Variants in DOK5 observed in about 807,000 individuals in gnomAD.
DOK5 encodes docking protein 5.
A neutral mutation model predicts 43.3 loss-of-function variants in DOK5; 27 were observed. That is an observed-to-expected ratio of 0.62 (90% confidence interval 0.46 to 0.86). The LOEUF (loss-of-function observed/expected upper bound fraction) is 0.86. Ranked by LOEUF, DOK5 falls within the 40% of genes least tolerant of loss-of-function variation. The probability of loss-of-function intolerance (pLI) is 0.00; values close to 1 mark genes in which losing one functional copy is unlikely to be tolerated. For synonymous variants in DOK5, 146 were observed against 140.1 expected, an observed-to-expected ratio of 1.04 and a Z score of -0.30; for missense variants, 373 against 392.9, an observed-to-expected ratio of 0.95 and a Z score of 0.43.
At chr20:54,587,241 T>A (rs1985834744) in intron 2 of DOK5, among the ~76,000 whole-genome samples, 2 of 152,152 alleles carry the variant, frequency 1.3e-5, no homozygotes, top group African/African-American at 4.8e-5. Context: ...GGGCACTTTT[T>A]GAGGAGAAGT....
chr20:54,624,809 T>C (rs949948841), intron 6 of DOK5, among the ~76,000 whole-genome samples: 1 of 152,200 alleles, frequency 6.6e-6, no homozygotes, highest in African/African-American at 2.4e-5. Flanking sequence ...TTTGAGTGCA[T>C]CTGGTGCTCG....
chr20:54,626,863 G>A (rs191781709), intron 6 of DOK5, among the ~76,000 whole-genome samples: 6 of 152,294 alleles, frequency 3.9e-5, no homozygotes, highest in African/African-American at 1.2e-4. Flanking sequence ...TACAGCCCAC[G>A]GGTGCAATCT....
chr20:54,538,533 G>A (rs6127221), intron 1 of DOK5, among the ~76,000 whole-genome samples: 1 of 152,184 alleles, frequency 6.6e-6, no homozygotes, highest in Non-Finnish European at 1.5e-5. Context: ...GAGGAAAGAA[G>A]GAACTCAGTG....
chr20:54,544,435 C>G (rs983703760), intron 1 of DOK5, among the ~76,000 whole-genome samples: 1 of 152,144 alleles, frequency 6.6e-6, no homozygotes, highest in African/African-American at 2.4e-5. Context: ...CCTGTCATGA[C>G]ACAGTCATTC....
chr20:54,505,874 G>T (rs1346783795), intron 1 of DOK5, among the ~76,000 whole-genome samples: 1 of 152,170 alleles, frequency 6.6e-6, no homozygotes, highest in Non-Finnish European at 1.5e-5. Flanking sequence ...CTCAAAGCCC[G>T]CTGGGTGGTG....
chr20:54,640,917 C>T (rs945905406), intron 6 of DOK5, among the ~76,000 whole-genome samples: 3 of 152,064 alleles, frequency 2.0e-5, no homozygotes, highest in Non-Finnish European at 4.4e-5. Flanking sequence ...ACTGGTAAAT[C>T]GTTCTGGATT....
intron 1 of DOK5, among the ~76,000 whole-genome samples, chr20:54,551,551 C>A (rs1317253940): frequency 1.3e-5 from 2 of 151,990 alleles, no homozygotes; most frequent in Non-Finnish European, 2.9e-5. Flanking sequence ...ATATTTAGGT[C>A]TATTTTAAGC....
chr20:54,566,321 C>T (rs76781172), intron 2 of DOK5, among the ~76,000 whole-genome samples: 6,205 of 152,150 alleles, frequency 0.041, 445 homozygotes, highest in African/African-American at 0.14. Flanking sequence ...CATCCACTGA[C>T]GAACATCTGG....
At position 54,541,444 on chromosome 20, in the gene DOK5, T is replaced by C. The variant is rs116971088; in HGVS notation, c.67-13489T>C. ...TACTCAATTATTTATTTTTATTTTT[T>C]ACTTTTTTTGAGGCAGAGTCTAGTT... On this transcript the variant is annotated intron_variant, in intron 1 of 7. Transcript: ENST00000262593. Among the ~76,000 whole-genome samples the C allele has an allele frequency of 5.6e-4, 86 of 152,322 alleles. No homozygotes were observed. The East Asian group carries it at 0.016, about 29-fold the overall frequency.
chr20:54,574,891 T>C (rs2146751978), intron 2 of DOK5, among the ~76,000 whole-genome samples: 1 of 152,198 alleles, frequency 6.6e-6, no homozygotes. Flanking sequence ...ATTAGGAAAA[T>C]TGCTATTTTA....
intron 2 of DOK5, among the ~76,000 whole-genome samples, chr20:54,567,682 T>C (rs917560077): frequency 1.3e-5 from 2 of 152,184 alleles, no homozygotes; most frequent in Non-Finnish European, 2.9e-5. Flanking sequence ...TGCCTTTCCA[T>C]AAAACTTAAA....
At chr20:54,487,620 G>T (rs1467899111) in intron 1 of DOK5, among the ~76,000 whole-genome samples, 2 of 151,962 alleles carry the variant, frequency 1.3e-5, no homozygotes, top group Non-Finnish European at 2.9e-5. Context: ...TTTAAAATAG[G>T]TTTTCTAAAA....
chr20:54,525,322 A>C (rs758683764), intron 1 of DOK5, among the ~76,000 whole-genome samples: 3 of 152,218 alleles, frequency 2.0e-5, no homozygotes, highest in African/African-American at 7.2e-5. Context: ...GGTCAAGATG[A>C]ATTCCCTTTT....
intron 5 of DOK5, among the ~76,000 whole-genome samples, chr20:54,599,503 A>G (rs910944795): frequency 6.6e-6 from 1 of 152,204 alleles, no homozygotes; most frequent in Non-Finnish European, 1.5e-5. Flanking sequence ...TCTACTGTCT[A>G]CCACACAGTG....
chr20:54,646,123 T>G (rs1979408262), intron 7 of DOK5, among the ~76,000 whole-genome samples: 1 of 152,022 alleles, frequency 6.6e-6, no homozygotes, highest in Non-Finnish European at 1.5e-5. Context: ...TTGAGTTATA[T>G]CATCACAATT....
At chr20:54,618,946 G>A (rs561137332) in intron 6 of DOK5, among the ~76,000 whole-genome samples, 66 of 147,886 alleles carry the variant, frequency 4.5e-4, no homozygotes, top group Non-Finnish European at 3.3e-4. Flanking sequence ...GAGTCCAGGA[G>A]ATCCAGGCTG....
At chr20:54,533,648 A>G (rs1983856067) in intron 1 of DOK5, among the ~76,000 whole-genome samples, 2 of 152,334 alleles carry the variant, frequency 1.3e-5, no homozygotes, top group South Asian at 4.1e-4. Context: ...ACTGAAGCTC[A>G]AAAGGGTAAG....
chr20:54,630,960 G>A (rs551703370), intron 6 of DOK5, among the ~76,000 whole-genome samples: 1 of 152,268 alleles, frequency 6.6e-6, no homozygotes, highest in South Asian at 2.1e-4. Context: ...TATTACAGAG[G>A]AGATTGGGTC....
At chr20:54,582,525 T>C (rs1985676263) in intron 2 of DOK5, among the ~76,000 whole-genome samples, 1 of 151,508 alleles carries the variant, frequency 6.6e-6, no homozygotes. Flanking sequence ...TGTATTTCTT[T>C]GTTGGAAGAT....
Sources: allele counts gnomAD v4.1 joint callset (sites outside exome capture counted in the v4.1 genomes callset), GRCh38; gene constraint gnomAD v4.1.1; transcripts MANE v1.5; gene names NCBI Gene and HGNC (gene_info 2026-07-23, HGNC 2026-07-21).